VPS13D: variants seen among roughly 807,000 people sequenced by gnomAD.
The protein encoded by VPS13D is vacuolar protein sorting 13 homolog D, also known as intermembrane lipid transfer protein VPS13D.
Under a neutral mutation model 461.9 loss-of-function variants are expected in VPS13D, and 187 were observed. The ratio of observed to expected loss-of-function variants is 0.40; its 90% CI spans 0.36 to 0.46. The LOEUF (loss-of-function observed/expected upper bound fraction) is 0.46. VPS13D is among the 20% of genes least tolerant of loss of function. The pLI is 0.60. For synonymous variants in VPS13D, 1,951 were observed against 1,986.3 expected (o/e 0.98, Z 0.47); for missense variants, 4,711 against 5,364.9 (o/e 0.88, Z 3.81).
chr1:12,354,014 A>G lies in VPS13D; in HGVS notation c.9472A>G (p.Met3158Val), dbSNP rs1422051768. Residue 3158 changes from methionine (M) to valine (V), a missense_variant, in exon 47 of 70, where the codon ATG becomes GTG. Coordinates refer to ENST00000620676, the MANE Select transcript of VPS13D (RefSeq NM_015378.4). ...AIKKENYPDY[M>V]PSNIFSDSAK... ...AAAGAAAGAGAATTATCCAGATTATATGCCCTCAAACATATTTTCTGACAG... is the reference window on the plus strand; with the variant it reads ...AAAGAAAGAGAATTATCCAGATTATGTGCCCTCAAACATATTTTCTGACAG... The G allele has an allele frequency of 6.2e-7, 1 of 1,614,064 alleles. No individual in the cohort carries two copies. The highest frequency in any genetic ancestry group is 1.3e-5 in the African/African-American group (1 of 74,940).
At position 12,510,897 on chromosome 1, in the gene VPS13D, C is replaced by G. The variant is rs1646174117; in HGVS notation, c.*1873C>G. 6.6e-6 allele frequency: 1 copy of G among 152,238 alleles called. No individual in the cohort carries two copies. Among genetic ancestry groups the G allele is most frequent in the South Asian group, 2.1e-4 (1 of 4,834 alleles). 9.4% of individuals were successfully genotyped at this position (152,238 alleles called of 1,614,324 possible). On this transcript the variant is annotated 3_prime_UTR_variant, in exon 70 of 70. Transcript: ENST00000620676. ...GGCTTGTGGTTTTTGTCATCAGTAA[C>G]CTACTGCCTGAGATCATGATCTCTT...
chr1:12,486,511 G>A (rs114583604), intron 67 of VPS13D, among the ~76,000 whole-genome samples: 3 of 152,170 alleles, frequency 2.0e-5, no homozygotes, highest in Non-Finnish European at 4.4e-5. Flanking sequence ...AGCGGCCAGG[G>A]TTCCAAGCCC....
rs1415479828 is a variant in VPS13D at position 12,507,706 on chromosome 1, C to A, written c.13035+613C>A. ...GATCACTGTGTTGCTGTCATCCCCT[C>A]CTCACTATTGGTCATAGCAGGTGAT... On this transcript the variant is annotated intron_variant, in intron 69 of 69. Transcript: ENST00000620676. This position sits in a 1 kb window ranked among gnomAD's most constrained non-coding sequence, Gnocchi z 5.3. Among the ~76,000 whole-genome samples the A allele has an allele frequency of 6.6e-6, 1 of 152,206 alleles. No homozygotes were observed. Among genetic ancestry groups the A allele is most frequent in the Non-Finnish European group, 1.5e-5 (1 of 68,032 alleles).
chr1:12,354,067 G>A lies in VPS13D; in HGVS notation c.9525G>A (p.Gly3175=). Reference sequence around the variant, plus strand: ...CAAAACAGATTTTCAGACAGCCTGGGCATACCATATATCTCCTGCCAACTG... The same window carrying A: ...CAAAACAGATTTTCAGACAGCCTGGACATACCATATATCTCCTGCCAACTG... ...DSAKQIFRQP[G]HTIYLLPTVV... Residue 3175 remains glycine, a synonymous_variant, in exon 47 of 70, where the codon GGG becomes GGA. Transcript: ENST00000620676. 1 of 1,614,136 alleles carries A rather than the reference G, an allele frequency of 6.2e-7. No individual in the cohort carries two copies. Among genetic ancestry groups the A allele is most frequent in the Non-Finnish European group, 8.5e-7 (1 of 1,180,028 alleles).
Position 12,277,872 on chromosome 1 carries a change from C to T in VPS13D, c.4284C>T (p.Asp1428=), listed in dbSNP as rs767388263. 2.5e-6 allele frequency: 4 copies of T among 1,614,080 alleles called. No individual in the cohort carries two copies. Among genetic ancestry groups the T allele is most frequent in the Non-Finnish European group, 3.4e-6 (4 of 1,180,022 alleles). Reference sequence around the variant, plus strand: ...ACCGTCTGCAGGTGGAAATCAAGGACATTAAACTGTATTCTTTGAATTGCA... The same window carrying T: ...ACCGTCTGCAGGTGGAAATCAAGGATATTAAACTGTATTCTTTGAATTGCA... ...RSDRLQVEIK[D]IKLYSLNCTQ... Residue 1428 remains aspartate (D), a synonymous_variant, in exon 19 of 70, where the codon GAC becomes GAT. Coordinates refer to ENST00000620676, the MANE Select transcript of VPS13D (RefSeq NM_015378.4).
chr1:12,406,260 A>G (rs1436745327), intron 63 of VPS13D, among the ~76,000 whole-genome samples: 1 of 151,548 alleles, frequency 6.6e-6, no homozygotes, highest in Non-Finnish European at 1.5e-5. Flanking sequence ...CTCATAAAAT[A>G]ATGTCATTTA....
chr1:12,312,639 A>AAC lies in VPS13D; in HGVS notation c.6935+714_6935+715insAC, dbSNP rs1259423219. Among the ~76,000 whole-genome samples the AAC allele has an allele frequency of 5.3e-5, 8 of 152,328 alleles. No individual in the cohort carries two copies. The East Asian group carries it at 1.5e-3, about 29-fold the overall frequency. ...GCTGCGCATGGTGGTGCATGCCTGTAGTCCCAGCTACTCAAGGCGTTAAGG... is the reference window on the plus strand; with the variant it reads ...GCTGCGCATGGTGGTGCATGCCTGTAACGTCCCAGCTACTCAAGGCGTTAAGG... On this transcript the variant is annotated intron_variant, in intron 29 of 69. Transcript: ENST00000620676.
intron 65 of VPS13D, among the ~76,000 whole-genome samples, chr1:12,423,984 G>C (rs547678150): frequency 6.6e-6 from 1 of 152,322 alleles, no homozygotes; most frequent in South Asian, 2.1e-4. Flanking sequence ...TTTATGACTT[G>C]TATCTGTTTT....
intron 6 of VPS13D, among the ~76,000 whole-genome samples, chr1:12,253,081 C>T (rs774099911): frequency 1.1e-4 from 17 of 150,710 alleles, no homozygotes; most frequent in Non-Finnish European, 2.4e-4. Flanking sequence ...TCACTTGAAC[C>T]TGGGAGGTGG....
intron 2 of VPS13D, among the ~76,000 whole-genome samples, chr1:12,242,035 C>T (rs559896641): frequency 6.6e-6 from 1 of 151,376 alleles, no homozygotes; most frequent in South Asian, 2.1e-4. Context: ...ATCTGGCCTG[C>T]AGACTAAGAA....
At chr1:12,426,939 G>A (rs760669966) in intron 65 of VPS13D, among the ~76,000 whole-genome samples, 2 of 152,044 alleles carry the variant, frequency 1.3e-5, no homozygotes, top group Non-Finnish European at 2.9e-5. Flanking sequence ...GCTTGAACCT[G>A]GGAGGTGGAG....
intron 7 of VPS13D, among the ~76,000 whole-genome samples, chr1:12,254,769 C>T (rs1239539499): frequency 5.3e-5 from 8 of 151,594 alleles, no homozygotes; most frequent in Admixed American, 5.3e-4. Flanking sequence ...CTCAAGTGAT[C>T]CACCCGCCTT....
intron 13 of VPS13D, among the ~76,000 whole-genome samples, chr1:12,262,330 T>C (rs1347081280): frequency 6.6e-6 from 1 of 152,250 alleles, no homozygotes; most frequent in Non-Finnish European, 1.5e-5. Flanking sequence ...AGACATTTAA[T>C]ATAGATATAC....
intron 17 of VPS13D, among the ~76,000 whole-genome samples, chr1:12,272,118 G>A (rs563403579): frequency 6.6e-6 from 1 of 152,332 alleles, no homozygotes; most frequent in East Asian, 1.9e-4. Flanking sequence ...CTTGAGCCCA[G>A]GAATTGGAGG....
At chr1:12,413,621 G>A (rs1278387824) in intron 63 of VPS13D, among the ~76,000 whole-genome samples, 3 of 152,224 alleles carry the variant, frequency 2.0e-5, no homozygotes, top group African/African-American at 2.4e-5. Flanking sequence ...ACAGGCGCAC[G>A]CCACCATGCC....
At chr1:12,355,266 A>G (rs1643875623) in intron 47 of VPS13D, among the ~76,000 whole-genome samples, 1 of 152,228 alleles carries the variant, frequency 6.6e-6, no homozygotes, top group Non-Finnish European at 1.5e-5. Context: ...AGATTCATAT[A>G]GAAGTACGGA....
chr1:12,454,694 A>C (rs1645303572), intron 65 of VPS13D, among the ~76,000 whole-genome samples: 1 of 152,154 alleles, frequency 6.6e-6, no homozygotes, highest in Non-Finnish European at 1.5e-5. Flanking sequence ...TGTAACACGC[A>C]CCCTAACCCC....
intron 63 of VPS13D, among the ~76,000 whole-genome samples, chr1:12,413,734 A>C (rs1456531839): frequency 6.6e-6 from 1 of 151,546 alleles, no homozygotes; most frequent in Non-Finnish European, 1.5e-5. Flanking sequence ...AGCTTCCCAA[A>C]GTGCTGGGAT....
intron 60 of VPS13D, among the ~76,000 whole-genome samples, chr1:12,399,220 G>A (rs551008490): frequency 6.2e-5 from 9 of 144,922 alleles, no homozygotes; most frequent in East Asian, 4.0e-4. Context: ...TTTTTGAGAC[G>A]GAGTCTCTCT....
Sources: gnomAD v4.1 joint callset for allele counts (sites outside exome capture counted in the v4.1 genomes callset) on GRCh38, gnomAD v4.1.1 for gene constraint, Gnocchi (gnomAD v3.1) non-coding constraint, MANE v1.5 for transcripts, NCBI Gene and HGNC (gene_info 2026-07-23, HGNC 2026-07-21) for gene names.